The following PACS1 variants were observed in gnomAD, a reference collection of about 807,000 sequenced individuals.
PACS1 encodes the protein phosphofurin acidic cluster sorting protein 1.
PACS1 carries 24 observed loss-of-function variants against 115.0 expected under a neutral mutation model. The observed-to-expected ratio is 0.21, with a 90% CI of 0.15 to 0.29. PACS1 has a LOEUF of 0.29. Ranked by LOEUF, PACS1 falls within the 10% of genes least tolerant of loss-of-function variation. The probability of loss-of-function intolerance (pLI) is 1.00; values close to 1 mark genes in which losing one functional copy is unlikely to be tolerated. For missense variants in PACS1, 838 were observed against 1,251.2 expected (o/e 0.67, Z 4.98); for synonymous variants, 453 against 504.5 (o/e 0.90, Z 1.37).
At chr11:66,213,658 A>G (rs1456867073) in intron 4 of PACS1, among the ~76,000 whole-genome samples, 1 of 152,254 alleles carries the variant, frequency 6.6e-6, no homozygotes, top group African/African-American at 2.4e-5. Context: ...GTGAGCACAC[A>G]TCGATAATTT....
intron 1 of PACS1, among the ~76,000 whole-genome samples, chr11:66,109,596 TC>T: frequency 6.6e-6 from 1 of 152,186 alleles, no homozygotes; most frequent in Non-Finnish European, 1.5e-5. Context: ...TGGCTTTGGT[TC>T]TTTTGCTACA....
chr11:66,181,009 A>G (rs1439599960), intron 1 of PACS1, among the ~76,000 whole-genome samples: 1 of 151,976 alleles, frequency 6.6e-6, no homozygotes, highest in African/African-American at 2.4e-5. Context: ...AGCTTTCCAG[A>G]GTTTTATGTA....
At chr11:66,187,084 G>T (rs983049729) in intron 1 of PACS1, among the ~76,000 whole-genome samples, 1 of 152,142 alleles carries the variant, frequency 6.6e-6, no homozygotes, top group African/African-American at 2.4e-5. Context: ...TCTTTTTTGT[G>T]TACTACATTT....
chr11:66,234,360 C>T, intron 17 of PACS1, 118 bp downstream of exon 17: 1 of 734,490 alleles, frequency 1.4e-6, no homozygotes, highest in Non-Finnish European at 2.5e-6. Context: ...CCTTCCCGGT[C>T]ACTCTGTCCA....
chr11:66,143,156 C>T (rs1859037203), intron 1 of PACS1, among the ~76,000 whole-genome samples: 1 of 152,080 alleles, frequency 6.6e-6, no homozygotes. Flanking sequence ...ATAGTGTTGT[C>T]AGGAGTCTTG....
chr11:66,198,452 C>G (rs1194843829), intron 2 of PACS1, among the ~76,000 whole-genome samples: 3 of 152,178 alleles, frequency 2.0e-5, no homozygotes, highest in Non-Finnish European at 2.9e-5. Context: ...TACCTCCATG[C>G]TCCAGGTGGA....
intron 9 of PACS1, 63 bp from the exon 10 acceptor site, chr11:66,221,091 A>C: frequency 6.8e-7 from 1 of 1,480,814 alleles, no homozygotes; most frequent in South Asian, 1.1e-5. Context: ...GCTCCATTCA[A>C]CTCTCCCAGC....
chr11:66,178,750 T>C (rs116853459), intron 1 of PACS1, among the ~76,000 whole-genome samples: 71 of 152,264 alleles, frequency 4.7e-4, no homozygotes, highest in Non-Finnish European at 9.1e-4. Flanking sequence ...TAATAGAAAA[T>C]AGCTAAGTTC....
In PACS1 at chr11:66,125,780, C is replaced by T. The variant is rs572695275; in HGVS notation, c.356+54938C>T. On this transcript the variant is annotated intron_variant, in intron 1 of 23. Coordinates refer to ENST00000320580, the MANE Select transcript of PACS1 (RefSeq NM_018026.4). ...GCAGGCCGGGCATGGTGGCTCATGC[C>T]TGTAATCCCAGCACTTTGGGAGGCC... 4.0e-4 allele frequency among the ~76,000 whole-genome samples: 61 copies of T among 152,284 alleles called. No homozygotes were observed. In the South Asian group the frequency reaches 0.012, roughly 30 times the overall value.
At chr11:66,213,978 A>C (rs574566946) in intron 4 of PACS1, among the ~76,000 whole-genome samples, 5 of 137,994 alleles carry the variant, frequency 3.6e-5, no homozygotes, top group African/African-American at 1.3e-4. Flanking sequence ...GCTTTCAGTG[A>C]GCCGAGATTG....
intron 1 of PACS1, among the ~76,000 whole-genome samples, chr11:66,087,822 G>T (rs1857598658): frequency 6.6e-6 from 1 of 152,106 alleles, no homozygotes; most frequent in African/African-American, 2.4e-5. Flanking sequence ...GCCGGGCTGT[G>T]GGGTATATGG....
Position 66,242,913 on chromosome 11 carries a change from TC to T in PACS1, c.2661del (p.Thr888ProfsTer4). The T allele has an allele frequency of 1.2e-6, 2 of 1,613,760 alleles. No individual in the cohort carries two copies. The highest frequency in any genetic ancestry group is 1.7e-6 in the Non-Finnish European group (2 of 1,179,902). On this transcript the variant is annotated frameshift_variant and splice_region_variant, in exon 23 of 24. Coordinates refer to ENST00000320580, the MANE Select transcript of PACS1 (RefSeq NM_018026.4). LOFTEE classifies it high-confidence loss of function. ...CAGGTGGCCTTGCTTGCTTTCCAGT[TC>T]CCACCATCTTCCTGAGCAAGAAACC... is the stretch of plus-strand genomic sequence containing the variant. The part of the protein sequence containing the change: ...VVTKEKNKKV[P>X]TIFLSKKPRE...
chr11:66,219,726 C>CA lies in PACS1; in HGVS notation c.979-19dup. 6.2e-7 allele frequency: 1 copy of CA among 1,607,554 alleles called. No homozygotes were observed. Among genetic ancestry groups the CA allele is most frequent in the Non-Finnish European group, 8.5e-7 (1 of 1,174,134 alleles). On this transcript the variant is annotated intron_variant, in intron 7 of 23. Transcript: ENST00000320580. Reference sequence around the variant, plus strand: ...CCAAGTGGACGTTGCTGAGAACTGTCATGCGATTTGTCCCTACAGCAACCT... The same window carrying CA: ...CCAAGTGGACGTTGCTGAGAACTGTCAATGCGATTTGTCCCTACAGCAACCT...
intron 14 of PACS1, 92 bp downstream of exon 14, chr11:66,232,368 G>A: frequency 1.4e-6 from 1 of 726,812 alleles, no homozygotes; most frequent in Admixed American, 2.1e-5. Flanking sequence ...TATTGCGTGG[G>A]GAGGTGGGGA....
intron 1 of PACS1, among the ~76,000 whole-genome samples, chr11:66,155,673 A>G (rs1859333511): frequency 6.6e-6 from 1 of 152,204 alleles, no homozygotes; most frequent in Non-Finnish European, 1.5e-5. Context: ...TTTAGAGAAC[A>G]GTAGTTTGTT....
intron 7 of PACS1, chr11:66,219,515 C>T: frequency 1.5e-6 from 1 of 664,756 alleles, no homozygotes; most frequent in Non-Finnish European, 2.8e-6. Context: ...GGGTGGAGGA[C>T]CTGGGGATAG....
intron 1 of PACS1, among the ~76,000 whole-genome samples, chr11:66,114,902 A>G (rs1455270595): frequency 6.6e-6 from 1 of 152,138 alleles, no homozygotes; most frequent in East Asian, 1.9e-4. Context: ...TACATCTCTA[A>G]GGATTAGAAC....
chr11:66,196,564 T>G (rs1295804899), intron 2 of PACS1, among the ~76,000 whole-genome samples: 1 of 152,222 alleles, frequency 6.6e-6, no homozygotes, highest in Non-Finnish European at 1.5e-5. Flanking sequence ...ACCCTATCAA[T>G]TCAGGGAAAA....
intron 1 of PACS1, among the ~76,000 whole-genome samples, chr11:66,168,120 C>A (rs913178598): frequency 4.7e-5 from 7 of 149,984 alleles, no homozygotes; most frequent in Admixed American, 4.0e-4. Context: ...CCAGGCTGAT[C>A]TTGAACTCTG....
Sources: gnomAD v4.1 joint callset for allele counts (sites outside exome capture counted in the v4.1 genomes callset) on GRCh38, gnomAD v4.1.1 for gene constraint, MANE v1.5 for transcripts, NCBI Gene and HGNC (gene_info 2026-07-23, HGNC 2026-07-21) for gene names.